The following PTPRD variants were observed in gnomAD, a reference collection of about 807,000 sequenced individuals.
PTPRD encodes the protein protein tyrosine phosphatase receptor type D, also known as receptor-type tyrosine-protein phosphatase delta.
A neutral mutation model predicts 214.5 loss-of-function variants in PTPRD; 34 were observed. The observed-to-expected ratio is 0.16, with a 90% CI of 0.12 to 0.21. PTPRD has a LOEUF of 0.21. PTPRD is among the 10% of genes least tolerant of loss of function. The pLI, the probability that PTPRD is intolerant of heterozygous loss-of-function variation, is 1.00. For missense variants in PTPRD, 2,545 were observed against 2,398.7 expected (o/e 1.06, Z -1.27); for synonymous variants, 1,128 against 845.7 (o/e 1.33, Z -5.79).
chr9:9,047,566 C>T (rs1189931131), intron 10 of PTPRD, among the ~76,000 whole-genome samples: 3 of 152,020 alleles, frequency 2.0e-5, no homozygotes, highest in Non-Finnish European at 2.9e-5. Context: ...ACCAATGCAA[C>T]AGAATAGAGA....
intron 9 of PTPRD, among the ~76,000 whole-genome samples, chr9:9,243,411 A>T (rs1033306344): frequency 1.4e-4 from 21 of 152,130 alleles, no homozygotes; most frequent in African/African-American, 4.6e-4. Context: ...GGCAAACCGA[A>T]TCCAGCAGCA....
At chr9:8,413,815 C>A (rs1199340182) in intron 35 of PTPRD, among the ~76,000 whole-genome samples, 1 of 152,014 alleles carries the variant, frequency 6.6e-6, no homozygotes, top group Non-Finnish European at 1.5e-5. Flanking sequence ...AGTTTAGTAT[C>A]TTTCTAAACT....
At chr9:8,487,973 G>A (rs2097066409) in intron 27 of PTPRD, among the ~76,000 whole-genome samples, 1 of 152,134 alleles carries the variant, frequency 6.6e-6, no homozygotes, top group Non-Finnish European at 1.5e-5. Context: ...AGGCTGCAGT[G>A]AGCTATGATC....
intron 10 of PTPRD, among the ~76,000 whole-genome samples, chr9:9,160,809 A>G (rs1418424275): frequency 6.6e-6 from 1 of 152,208 alleles, no homozygotes; most frequent in Non-Finnish European, 1.5e-5. Context: ...AGATTAAACC[A>G]ATGTTGTATA....
chr9:9,592,144 AT>A (rs2092797446), intron 7 of PTPRD, among the ~76,000 whole-genome samples: 1 of 152,098 alleles, frequency 6.6e-6, no homozygotes, highest in South Asian at 2.1e-4. Context: ...AACACTTGCT[AT>A]GAAATAACTG....
intron 2 of PTPRD, among the ~76,000 whole-genome samples, chr9:10,359,395 C>T (rs1286543074): frequency 6.6e-6 from 1 of 151,970 alleles, no homozygotes; most frequent in African/African-American, 2.4e-5. Context: ...AATATTATTA[C>T]ATCTTTAAGT....
At chr9:8,319,311 T>C (rs1285411884) in intron 45 of PTPRD, among the ~76,000 whole-genome samples, 1 of 152,064 alleles carries the variant, frequency 6.6e-6, no homozygotes, top group African/African-American at 2.4e-5. Context: ...ATATCCAAAT[T>C]TCCATATTAA....
chr9:9,826,466 G>A (rs1030812368), intron 5 of PTPRD, among the ~76,000 whole-genome samples: 3 of 151,804 alleles, frequency 2.0e-5, no homozygotes, highest in African/African-American at 7.3e-5. Context: ...TCAGTCATAT[G>A]GTTATTTTGA....
At chr9:10,413,478 C>G (rs978309844) in intron 2 of PTPRD, among the ~76,000 whole-genome samples, 2 of 151,850 alleles carry the variant, frequency 1.3e-5, no homozygotes, top group South Asian at 4.1e-4. Flanking sequence ...CAAATGGAAA[C>G]ATACTCCACG....
chr9:9,275,197 TATTA>T (rs1220947722), intron 9 of PTPRD, among the ~76,000 whole-genome samples: 7 of 7,480 alleles, frequency 9.4e-4, no homozygotes, highest in Admixed American at 2.1e-3. Flanking sequence ...TATATATATA[TATTA>T]TATATATATA....
At chr9:8,971,852 T>A (rs932486544) in intron 11 of PTPRD, among the ~76,000 whole-genome samples, 1 of 151,660 alleles carries the variant, frequency 6.6e-6, no homozygotes, top group African/African-American at 2.4e-5. Context: ...GCCAGAAGAA[T>A]AAGCCATTTC....
chr9:8,576,013 C>A (rs1437859939), intron 14 of PTPRD, among the ~76,000 whole-genome samples: 2 of 152,154 alleles, frequency 1.3e-5, no homozygotes, highest in Non-Finnish European at 2.9e-5. Context: ...TCCTAACAGC[C>A]TTTAAATCCC....
chr9:9,694,633 G>A (rs1324130782), intron 7 of PTPRD, among the ~76,000 whole-genome samples: 2 of 152,070 alleles, frequency 1.3e-5, no homozygotes, highest in Non-Finnish European at 2.9e-5. Flanking sequence ...AACTGATGTT[G>A]CTGACCTGAT....
intron 10 of PTPRD, among the ~76,000 whole-genome samples, chr9:9,068,757 G>T (rs10977471): frequency 6.6e-6 from 1 of 151,922 alleles, no homozygotes; most frequent in Non-Finnish European, 1.5e-5. Context: ...GATTACAGGC[G>T]CGTGTCACCA....
chr9:8,680,506 T>A (rs1452512753), intron 12 of PTPRD, among the ~76,000 whole-genome samples: 1 of 152,200 alleles, frequency 6.6e-6, no homozygotes, highest in East Asian at 1.9e-4. Context: ...AAAGCCTGTA[T>A]CATTTCAGAA....
intron 9 of PTPRD, among the ~76,000 whole-genome samples, chr9:9,306,907 G>T (rs1235988606): frequency 1.3e-5 from 2 of 152,162 alleles, no homozygotes; most frequent in Non-Finnish European, 2.9e-5. Context: ...TATCTCAAAA[G>T]CAGAGATTAA....
At chr9:10,200,576 A>G (rs1380065611) in intron 3 of PTPRD, among the ~76,000 whole-genome samples, 2 of 152,112 alleles carry the variant, frequency 1.3e-5, no homozygotes, top group Non-Finnish European at 2.9e-5. Flanking sequence ...TTTCATGGCT[A>G]TCCAGTTACA....
At chr9:8,396,859 CCTTT>C (rs1172023395) in intron 36 of PTPRD, among the ~76,000 whole-genome samples, 1 of 152,072 alleles carries the variant, frequency 6.6e-6, no homozygotes, top group Non-Finnish European at 1.5e-5. Flanking sequence ...GTGCTATCTA[CCTTT>C]CTATTTAAAA....
intron 7 of PTPRD, among the ~76,000 whole-genome samples, chr9:9,610,136 A>G (rs1012423748): frequency 2.0e-5 from 3 of 152,158 alleles, no homozygotes; most frequent in African/African-American, 2.4e-5. Flanking sequence ...ATAAACCAGT[A>G]GAAATACGTT....
Sources: gnomAD v4.1 joint callset for allele counts (sites outside exome capture counted in the v4.1 genomes callset) on GRCh38, gnomAD v4.1.1 for gene constraint, MANE v1.5 for transcripts, NCBI Gene and HGNC (gene_info 2026-07-23, HGNC 2026-07-21) for gene names.